IFT74: variants seen among roughly 807,000 people sequenced by gnomAD.
IFT74 encodes the protein intraflagellar transport 74, also known as intraflagellar transport protein 74 homolog.
A neutral mutation model predicts 96.7 loss-of-function variants in IFT74; 92 were observed. That is an observed-to-expected ratio of 0.95 (90% confidence interval 0.80 to 1.13). The LOEUF is 1.13. Among genes scored for constraint, IFT74 ranks in the 50% most tolerant of loss-of-function variants. The probability of loss-of-function intolerance (pLI) is 0.00; values close to 1 mark genes in which losing one functional copy is unlikely to be tolerated. For missense variants in IFT74, 811 were observed against 698.2 expected, an observed-to-expected ratio of 1.16 and a Z score of -1.82; for synonymous variants, 223 against 213.2, an observed-to-expected ratio of 1.05 and a Z score of -0.40.
chr9:26,953,694 A>AGG (rs562636268), upstream of IFT74, among the ~76,000 whole-genome samples: 839 of 149,174 alleles, frequency 5.6e-3, 6 homozygotes, highest in African/African-American at 0.02. Flanking sequence ...CATTTTTTGT[A>AGG]GGGGGGGGGT....
At chr9:26,961,086 T>G (rs1297969257) in intron 1 of IFT74, among the ~76,000 whole-genome samples, 4 of 148,432 alleles carry the variant, frequency 2.7e-5, no homozygotes, top group Non-Finnish European at 4.5e-5. Flanking sequence ...GAATCTTGTT[T>G]TTTTTTTTTT....
rs1308022092 is a variant in IFT74 at position 26,961,957 on chromosome 9, G to A, written c.-11G>A. On this transcript the variant is annotated 5_prime_UTR_variant, in exon 2 of 20. The change creates a new upstream start codon in the 5' untranslated region. Transcript: ENST00000380062. ...TTATTGTTTCCAAACAGCGATTAAA[G>A]TGAAGAAACAATGGCCAGCAATCAC... The A allele has an allele frequency of 6.2e-7, 1 of 1,614,010 alleles. No individual in the cohort carries two copies. Among genetic ancestry groups the A allele is most frequent in the African/African-American group, 1.3e-5 (1 of 74,928 alleles).
At chr9:27,035,018 TTAAA>T (rs1819109353) in intron 13 of IFT74, among the ~76,000 whole-genome samples, 1 of 152,222 alleles carries the variant, frequency 6.6e-6, no homozygotes, top group Non-Finnish European at 1.5e-5. Flanking sequence ...GATTAGATAA[TTAAA>T]TAAACTTAAT....
chr9:27,011,898 C>A lies in IFT74; in HGVS notation c.727-8C>A. On this transcript the variant is annotated splice_polypyrimidine_tract_variant and splice_region_variant and intron_variant, in intron 9 of 19. Transcript: ENST00000380062. The stretch of plus-strand genomic sequence containing the variant: ...TGGATTTATGTTTGCTTTTTTTTTT[C>A]CACTTAGGAATTAGATACACTTCAA... 2 of 1,505,386 alleles carry A rather than the reference C, an allele frequency of 1.3e-6. No homozygotes were observed. Among genetic ancestry groups the A allele is most frequent in the South Asian group, 2.7e-5 (2 of 74,362 alleles). 93.3% of individuals were successfully genotyped at this position (1,505,386 alleles called of 1,614,324 possible). A position where few individuals can be genotyped will look rare whatever the true frequency, so the allele number is the denominator to read the frequency against.
chr9:27,032,079 A>G (rs1039739245), intron 13 of IFT74, among the ~76,000 whole-genome samples: 3 of 152,210 alleles, frequency 2.0e-5, no homozygotes, highest in Non-Finnish European at 4.4e-5. Context: ...TACTATTATA[A>G]GACATGTCAA....
chr9:26,948,448 A>ATTATTTTTTTTTTTTTTTTTTTTTTTTTT (rs1825819541), intron 1 of IFT74, among the ~76,000 whole-genome samples: 2 of 59,162 alleles, frequency 3.4e-5, no homozygotes, highest in East Asian at 2.9e-4. Context: ...GCTTTCCATT[A>ATTATTTTTTTTTTTTTTTTTTTTTTTTTT]TTTTTTTTTT....
At chr9:26,999,770 C>CTT (rs1179000269) in intron 8 of IFT74, 4,941 of 338,870 alleles carry the variant, frequency 0.015, 112 homozygotes, top group African/African-American at 0.055. Context: ...TCTGTTTATT[C>CTT]TTTTTTTTTT....
chr9:26,993,341 C>T (rs1440405618), intron 8 of IFT74: 2 of 151,928 alleles, frequency 1.3e-5, no homozygotes, highest in Non-Finnish European at 2.9e-5. Flanking sequence ...TTTTATGTTC[C>T]TATAATCATC....
At chr9:27,059,873 T>C (rs1287681178) in intron 18 of IFT74, among the ~76,000 whole-genome samples, 3 of 152,226 alleles carry the variant, frequency 2.0e-5, no homozygotes, top group Non-Finnish European at 4.4e-5. Flanking sequence ...GGAACATAAT[T>C]TTAGCATTTC....
intron 1 of IFT74, among the ~76,000 whole-genome samples, chr9:26,948,063 C>T (rs374962320): frequency 6.6e-6 from 1 of 152,190 alleles, no homozygotes; most frequent in African/African-American, 2.4e-5. Flanking sequence ...TTGCTAAGCC[C>T]AATTCACACT....
chr9:26,996,871 T>G (rs1316577401), intron 8 of IFT74, among the ~76,000 whole-genome samples: 1 of 152,190 alleles, frequency 6.6e-6, no homozygotes, highest in East Asian at 1.9e-4. Flanking sequence ...ATATTGACTT[T>G]GCTAACAATA....
rs771057202 is a variant in IFT74, at chr9:26,961,964, A to G, written c.-4A>G. 22 of 1,614,088 alleles carry G rather than the reference A, an allele frequency of 1.4e-5. No individual in the cohort carries two copies. The Admixed American group carries it at 3.7e-4, about 27-fold the overall frequency. ...TTCCAAACAGCGATTAAAGTGAAGA[A>G]ACAATGGCCAGCAATCACAAATCTT... On this transcript the variant is annotated 5_prime_UTR_variant, in exon 2 of 20. Transcript: ENST00000380062.
intron 2 of IFT74, 140 bp from the exon 3 acceptor site, chr9:26,977,988 C>T (rs1173123423): frequency 1.6e-6 from 1 of 621,586 alleles, no homozygotes; most frequent in East Asian, 3.0e-5. Context: ...TTTAATAATT[C>T]AGACATTTAA....
intron 1 of IFT74, among the ~76,000 whole-genome samples, chr9:26,949,357 C>G (rs1825864050): frequency 6.6e-6 from 1 of 152,160 alleles, no homozygotes; most frequent in Non-Finnish European, 1.5e-5. Flanking sequence ...ATAGTTCCAG[C>G]TCTGGAGCCC....
At chr9:26,980,678 T>A (rs1827336630) in intron 4 of IFT74, 59 bp downstream of exon 4, 1 of 1,094,086 alleles carries the variant, frequency 9.1e-7, no homozygotes, top group African/African-American at 1.6e-5. Context: ...GTACCTTCTG[T>A]CAAAATAGAG....
intron 13 of IFT74, among the ~76,000 whole-genome samples, chr9:27,035,173 A>G (rs1203717565): frequency 1.3e-5 from 2 of 152,246 alleles, no homozygotes; most frequent in Non-Finnish European, 2.9e-5. Flanking sequence ...TAATGCTGTT[A>G]CTTTATAAAA....
chr9:27,033,126 A>G (rs575492444), intron 13 of IFT74, among the ~76,000 whole-genome samples: 1 of 152,320 alleles, frequency 6.6e-6, no homozygotes, highest in African/African-American at 2.4e-5. Context: ...ATGGAGTAAT[A>G]CTAATATACA....
At chr9:26,963,420 C>CGT (rs544550579) in intron 2 of IFT74, among the ~76,000 whole-genome samples, 3 of 150,150 alleles carry the variant, frequency 2.0e-5, no homozygotes, top group Non-Finnish European at 4.4e-5. Context: ...AATAAACATA[C>CGT]GTGTGCATGT....
intron 7 of IFT74, 109 bp downstream of exon 7, chr9:26,988,837 T>G: frequency 4.0e-5 from 37 of 921,992 alleles, no homozygotes; most frequent in Non-Finnish European, 5.3e-5. Context: ...TAGAGGTGAA[T>G]ATTACTCTGA....
Sources: gnomAD v4.1 joint callset for allele counts (sites outside exome capture counted in the v4.1 genomes callset) on GRCh38, gnomAD v4.1.1 for gene constraint, MANE v1.5 for transcripts, NCBI Gene and HGNC (gene_info 2026-07-23, HGNC 2026-07-21) for gene names.